The following DIAPH1 variants were observed in gnomAD, a reference collection of about 807,000 sequenced individuals.
The protein encoded by DIAPH1 is diaphanous related formin 1, also known as protein diaphanous homolog 1.
A neutral mutation model predicts 140.7 loss-of-function variants in DIAPH1; 46 were observed. The ratio of observed to expected loss-of-function variants is 0.33; its 90% confidence interval spans 0.26 to 0.42. The LOEUF is 0.42. DIAPH1 is among the 10% of genes least tolerant of loss of function. The probability of loss-of-function intolerance (pLI) is 1.00; values close to 1 mark genes in which losing one functional copy is unlikely to be tolerated. For synonymous variants in DIAPH1, 565 were observed against 551.6 expected (o/e 1.02, Z -0.34); for missense variants, 1,310 against 1,558.7 (o/e 0.84, Z 2.69).
At chr5:141,541,902 A>ATGGAAAGATAC (rs1447592425) in intron 18 of DIAPH1, among the ~76,000 whole-genome samples, 3 of 152,156 alleles carry the variant, frequency 2.0e-5, no homozygotes, top group Non-Finnish European at 4.4e-5. Context: ...ACCTATATAA[A>ATGGAAAGATAC]TGGAAAGATA....
intron 18 of DIAPH1, among the ~76,000 whole-genome samples, chr5:141,569,511 C>T (rs2099894835): frequency 6.6e-6 from 1 of 152,010 alleles, no homozygotes; most frequent in Admixed American, 6.6e-5. Context: ...GCCTGTAATC[C>T]CAGCACTTTG....
rs999653581 is a variant in DIAPH1, at chr5:141,526,260, C to T, written c.3438+37G>A. The stretch of plus-strand genomic sequence containing the variant: ...GAACCCAGGGGAAAGTGAGAAATGC[C>T]CACAAAAGATTCAGTCAGCAAGTAT... On this transcript the variant is annotated intron_variant, in intron 25 of 27. Transcript: ENST00000389054. The T allele has an allele frequency of 1.3e-5, 21 of 1,613,950 alleles. No homozygotes were observed. The African/African-American group carries it at 2.5e-4, about 20-fold the overall frequency.
At chr5:141,529,349 G>T (rs1233347608) in intron 20 of DIAPH1, 76 bp from the exon 21 acceptor site, 47 of 1,171,662 alleles carry the variant, frequency 4.0e-5, no homozygotes, top group Non-Finnish European at 5.6e-5. Flanking sequence ...TTACTCTGTT[G>T]TCAGTCCCAC....
chr5:141,617,558 T>C (rs937932774), intron 1 of DIAPH1, among the ~76,000 whole-genome samples: 3 of 152,190 alleles, frequency 2.0e-5, no homozygotes, highest in African/African-American at 7.2e-5. Context: ...GGTCAAAATG[T>C]TGGGAGGTGG....
chr5:141,618,077 C>T (rs2099902978), intron 1 of DIAPH1, among the ~76,000 whole-genome samples: 1 of 152,226 alleles, frequency 6.6e-6, no homozygotes, highest in Non-Finnish European at 1.5e-5. Context: ...CATGAGAGTT[C>T]TAATCCTCTG....
At chr5:141,547,562 A>G (rs924795166) in intron 18 of DIAPH1, among the ~76,000 whole-genome samples, 1 of 152,204 alleles carries the variant, frequency 6.6e-6, no homozygotes, top group East Asian at 1.9e-4. Flanking sequence ...TGGGTTTAAC[A>G]GTAGACATAG....
Position 141,578,606 on chromosome 5 carries a change from A to T in DIAPH1, c.953T>A (p.Ile318Asn). ...CTCCGCTGGTGTGATGAGAGCATTG[A>T]TCAGCTGTAGGCATCCAACCTAAAA... ...IALKVGCLQL[I>N]NALITPAEEL... Residue 318 changes from isoleucine (I) to asparagine (N), a missense_variant, in exon 10 of 28, where the codon ATC (isoleucine) becomes AAC (asparagine). Coordinates refer to ENST00000389054, the MANE Select transcript of DIAPH1 (RefSeq NM_005219.5). 6.2e-7 allele frequency: 1 copy of T among 1,613,372 alleles called. No individual in the cohort carries two copies. Among genetic ancestry groups the T allele is most frequent in the Non-Finnish European group, 8.5e-7 (1 of 1,179,948 alleles).
chr5:141,618,814 C>T lies in DIAPH1; in HGVS notation c.101G>A (p.Gly34Asp). 1 of 1,546,428 alleles carries T rather than the reference C, an allele frequency of 6.5e-7. No homozygotes were observed. Among genetic ancestry groups the T allele is most frequent in the Non-Finnish European group, 8.7e-7 (1 of 1,145,508 alleles). The change falls in exon 1 of 28, where the codon GGC becomes GAC. Residue 34 changes from glycine to aspartate, a missense_variant. This residue lies in a region of DIAPH1 where 377 missense variants were observed against 497.1 expected (regional missense o/e 0.76). Transcript: ENST00000389054. Reference sequence around the variant, plus strand: ...GACACTCACAAATTTCTTAGATTTGCCGCCGTCGCCGCCCGCCGAGGGCAG... The same window carrying T: ...GACACTCACAAATTTCTTAGATTTGTCGCCGTCGCCGCCCGCCGAGGGCAG... The part of the protein sequence containing the change: ...DELPSAGGDG[G>D]KSKKFTLKRL...
At chr5:141,584,020 G>A (rs1167493479) in intron 4 of DIAPH1, 104 bp downstream of exon 4, 1 of 726,372 alleles carries the variant, frequency 1.4e-6, no homozygotes, top group Non-Finnish European at 2.5e-6. Flanking sequence ...GAATGAAACA[G>A]AATTGATGCA....
At chr5:141,534,256 G>T in intron 19 of DIAPH1, 79 bp downstream of exon 19, 2 of 1,116,676 alleles carry the variant, frequency 1.8e-6, no homozygotes, top group South Asian at 1.2e-5. Context: ...CATATCAAGG[G>T]ACCATAGATT....
chr5:141,618,557 T>C (rs1007994306), intron 1 of DIAPH1: 2 of 410,308 alleles, frequency 4.9e-6, no homozygotes, highest in Non-Finnish European at 9.0e-6. Context: ...GGGCAGAATG[T>C]AAGGGCTGGG....
intron 14 of DIAPH1, 44 bp from the exon 15 acceptor site, chr5:141,575,190 A>G (rs778550362): frequency 1.3e-6 from 2 of 1,598,980 alleles, no homozygotes; most frequent in Admixed American, 1.7e-5. Flanking sequence ...TCTCCATCTC[A>G]GTAAGAAGCA....
chr5:141,533,198 T>A (rs957195919), intron 19 of DIAPH1, among the ~76,000 whole-genome samples: 2 of 152,192 alleles, frequency 1.3e-5, no homozygotes, highest in Non-Finnish European at 2.9e-5. Context: ...TACCCTTTCA[T>A]CTCTGGAACA....
intron 18 of DIAPH1, among the ~76,000 whole-genome samples, chr5:141,566,599 AAAAC>A (rs1427626405): frequency 6.6e-6 from 1 of 152,220 alleles, no homozygotes; most frequent in Non-Finnish European, 1.5e-5. Context: ...AGAACAAAGA[AAAAC>A]AATCACATGG....
In DIAPH1 at chr5:141,578,363, A is replaced by T. The variant is rs75686999; in HGVS notation, c.1045-20T>A. 9.7e-4 allele frequency: 1,555 copies of T among 1,598,612 alleles called. 10 individuals are homozygous for T. The African/African-American group carries it at 0.017, about 17-fold the overall frequency. Reference sequence around the variant, plus strand: ...AAGGTCCTGTCAACAACAAAAGTAGAAGTCAGGGAACCCAAAAGTATCCTC... The same window carrying T: ...AAGGTCCTGTCAACAACAAAAGTAGTAGTCAGGGAACCCAAAAGTATCCTC... On this transcript the variant is annotated intron_variant, in intron 10 of 27. Coordinates refer to ENST00000389054, the MANE Select transcript of DIAPH1 (RefSeq NM_005219.5).
chr5:141,549,065 G>T (rs951824032), intron 18 of DIAPH1, among the ~76,000 whole-genome samples: 17 of 151,640 alleles, frequency 1.1e-4, no homozygotes, highest in African/African-American at 4.1e-4. Context: ...ATAGAAATAG[G>T]GTATATATCA....
At chr5:141,543,895 C>CATCT (rs2099890393) in intron 18 of DIAPH1, among the ~76,000 whole-genome samples, 2 of 152,148 alleles carry the variant, frequency 1.3e-5, no homozygotes, top group Non-Finnish European at 2.9e-5. Flanking sequence ...GACAAGCATG[C>CATCT]ATCTATACAA....
At chr5:141,560,779 G>A (rs2099893410) in intron 18 of DIAPH1, 3 of 449,694 alleles carry the variant, frequency 6.7e-6, no homozygotes, top group South Asian at 4.7e-5. Flanking sequence ...GGGTTGGGAA[G>A]GGAAGTAACA....
At chr5:141,577,000 A>G in intron 12 of DIAPH1, 129 bp from the exon 13 acceptor site, 1 of 692,740 alleles carries the variant, frequency 1.4e-6, no homozygotes, top group South Asian at 1.6e-5. Context: ...AAGTTAACAC[A>G]AGTATTGCTG....
Sources: allele counts gnomAD v4.1 joint callset (sites outside exome capture counted in the v4.1 genomes callset), GRCh38; gene constraint gnomAD v4.1.1; regional missense constraint gnomAD v4.1.1; transcripts MANE v1.5; gene names NCBI Gene and HGNC (gene_info 2026-07-23, HGNC 2026-07-21).